ADGRL4: variants seen among roughly 807,000 people sequenced by gnomAD.
ADGRL4 encodes the protein EGF, latrophilin and seven transmembrane domain containing 1.
ADGRL4 carries 90 observed loss-of-function variants against 74.8 expected under a neutral mutation model. The observed-to-expected ratio is 1.20, with a 90% CI of 1.02 to 1.43. The LOEUF (loss-of-function observed/expected upper bound fraction) is 1.43, where lower values mean the gene tolerates loss of function less well. Ranked by LOEUF, ADGRL4 falls within the 40% of genes most tolerant of loss-of-function variation. The probability of loss-of-function intolerance (pLI) is 0.00; values close to 1 mark genes in which losing one functional copy is unlikely to be tolerated. For synonymous variants in ADGRL4, 311 were observed against 279.2 expected, an observed-to-expected ratio of 1.11 and a Z score of -1.14; for missense variants, 881 against 814.3, an observed-to-expected ratio of 1.08 and a Z score of -1.00.
chr1:78,953,270 A>G (rs1165455444), intron 2 of ADGRL4, among the ~76,000 whole-genome samples: 1 of 152,178 alleles, frequency 6.6e-6, no homozygotes, highest in Non-Finnish European at 1.5e-5. Context: ...TAATGCTCTT[A>G]CAGTATCTCT....
intron 2 of ADGRL4, among the ~76,000 whole-genome samples, chr1:78,952,939 G>A (rs1649759372): frequency 6.6e-6 from 1 of 151,984 alleles, no homozygotes; most frequent in East Asian, 1.9e-4. Context: ...TGTATAGAAT[G>A]GTCTCTGTTT....
Position 78,938,112 on chromosome 1 carries a change from G to A in ADGRL4, c.564C>T (p.Asn188=), listed in dbSNP as rs1019577347. Residue 188 remains asparagine (N), a synonymous_variant, in exon 5 of 15, where the codon AAC becomes AAT. Transcript: ENST00000370742. ...NTISAKDTLS[N]STLTEFVKTV... ...TGAACATACTTACAGTAAGAGTTGA[G>A]TTAGAAAGGGTGTCCTTGGCTGAGA... The A allele has an allele frequency of 1.9e-6, 3 of 1,612,604 alleles. No individual in the cohort carries two copies. The highest frequency in any genetic ancestry group is 2.7e-5 in the African/African-American group (2 of 74,956).
intron 2 of ADGRL4, among the ~76,000 whole-genome samples, chr1:78,969,420 T>G (rs1650124878): frequency 6.6e-6 from 1 of 152,098 alleles, no homozygotes; most frequent in Non-Finnish European, 1.5e-5. Context: ...TGACTGGTGG[T>G]CAATAAAGAA....
At chr1:78,892,185 G>T (rs372102927) in intron 13 of ADGRL4, among the ~76,000 whole-genome samples, 3 of 152,102 alleles carry the variant, frequency 2.0e-5, no homozygotes, top group Non-Finnish European at 1.5e-5. Context: ...AGAAACGAAC[G>T]TGTAGGATAT....
At chr1:78,896,468 G>T (rs1648402234) in intron 12 of ADGRL4, among the ~76,000 whole-genome samples, 1 of 151,772 alleles carries the variant, frequency 6.6e-6, no homozygotes, top group Non-Finnish European at 1.5e-5. Context: ...ATTTTTTTCT[G>T]CAATCTTCCC....
intron 2 of ADGRL4, among the ~76,000 whole-genome samples, chr1:78,989,309 T>A (rs1650557501): frequency 6.6e-6 from 1 of 151,828 alleles, no homozygotes; most frequent in African/African-American, 2.4e-5. Context: ...GATATACATA[T>A]GATTTAGGAA....
chr1:78,970,303 C>A (rs959108987), intron 2 of ADGRL4, among the ~76,000 whole-genome samples: 2 of 152,184 alleles, frequency 1.3e-5, no homozygotes, highest in Non-Finnish European at 2.9e-5. Context: ...AGGCAGAGTG[C>A]AGGTAAGCAT....
intron 2 of ADGRL4, among the ~76,000 whole-genome samples, chr1:78,958,183 T>A (rs542958058): frequency 6.6e-6 from 1 of 152,280 alleles, no homozygotes; most frequent in East Asian, 1.9e-4. Flanking sequence ...AGAGCTCTGA[T>A]GGAGATGTCC....
chr1:78,970,162 T>C (rs1421819651), intron 2 of ADGRL4, among the ~76,000 whole-genome samples: 2 of 152,158 alleles, frequency 1.3e-5, no homozygotes, highest in African/African-American at 4.8e-5. Flanking sequence ...CTGGCTTATG[T>C]TAAGGAGTCC....
At chr1:78,894,127 T>C (rs1180173824) in intron 12 of ADGRL4, among the ~76,000 whole-genome samples, 1 of 151,912 alleles carries the variant, frequency 6.6e-6, no homozygotes, top group East Asian at 1.9e-4. Context: ...AAGTGCAACA[T>C]TATAATTTTC....
chr1:78,916,053 A>G (rs1005447468), intron 12 of ADGRL4, among the ~76,000 whole-genome samples: 2 of 151,956 alleles, frequency 1.3e-5, no homozygotes, highest in East Asian at 3.9e-4. Flanking sequence ...GCTCCAGACT[A>G]GAACAATGTG....
chr1:78,977,173 G>A lies in ADGRL4; in HGVS notation c.172+27897C>T, dbSNP rs573797507. Among the ~76,000 whole-genome samples the A allele has an allele frequency of 5.3e-5, 8 of 151,684 alleles. No individual in the cohort carries two copies. In the East Asian group the frequency reaches 1.2e-3, roughly 22 times the overall value. On this transcript the variant is annotated intron_variant, in intron 2 of 14. Coordinates refer to ENST00000370742, the MANE Select transcript of ADGRL4 (RefSeq NM_022159.4). ...TATATTGACAAAATGAAAAAGAAAA[G>A]ATATTATCTCTATCAATGCAGAAAA...
At position 78,890,896 on chromosome 1, in the gene ADGRL4, A is replaced by G. The variant is rs892890432; in HGVS notation, c.*258T>C. 11 of 446,098 alleles carry G rather than the reference A, an allele frequency of 2.5e-5. No individual in the cohort carries two copies. Among genetic ancestry groups the G allele is most frequent in the Non-Finnish European group, 4.5e-5 (11 of 244,680 alleles). 27.6% of individuals were successfully genotyped at this position (446,098 alleles called of 1,614,324 possible). A position where few individuals can be genotyped will look rare whatever the true frequency, so the allele number is the denominator to read the frequency against. On this transcript the variant is annotated 3_prime_UTR_variant, in exon 15 of 15. Coordinates refer to ENST00000370742, the MANE Select transcript of ADGRL4 (RefSeq NM_022159.4). ...GGTGCAGTGATATCACTCCTGAGAA[A>G]CCAATTACTTTCCAAATATCTGCAA...
chr1:78,997,811 G>C (rs116756256), intron 2 of ADGRL4, among the ~76,000 whole-genome samples: 1 of 152,046 alleles, frequency 6.6e-6, no homozygotes, highest in Non-Finnish European at 1.5e-5. Context: ...TTGCCAGCTA[G>C]CCATTACCAT....
intron 2 of ADGRL4, among the ~76,000 whole-genome samples, chr1:78,995,426 C>T (rs888562971): frequency 9.2e-5 from 14 of 152,144 alleles, no homozygotes; most frequent in Non-Finnish European, 1.9e-4. Context: ...CAAGTCACAT[C>T]CTGGCTCATC....
intron 2 of ADGRL4, among the ~76,000 whole-genome samples, chr1:78,964,793 T>G (rs528692877): frequency 1.3e-5 from 2 of 152,172 alleles, no homozygotes; most frequent in East Asian, 3.8e-4. Context: ...AATAAAATAC[T>G]GTTTTCTGCT....
Position 78,990,713 on chromosome 1 carries a change from C to T in ADGRL4, c.172+14357G>A, listed in dbSNP as rs750814887. On this transcript the variant is annotated intron_variant, in intron 2 of 14. Coordinates refer to ENST00000370742, the MANE Select transcript of ADGRL4 (RefSeq NM_022159.4). ...GATATTCCATTGGAAACTGCTGCAGCGAACATAACATTAGTTGAAGAAGCA... is the reference window on the plus strand; with the variant it reads ...GATATTCCATTGGAAACTGCTGCAGTGAACATAACATTAGTTGAAGAAGCA... Among the ~76,000 whole-genome samples, 11 of 151,834 alleles carry T rather than the reference C, an allele frequency of 7.2e-5. No homozygotes were observed. In the East Asian group the frequency reaches 7.7e-4, roughly 11 times the overall value.
intron 2 of ADGRL4, among the ~76,000 whole-genome samples, chr1:78,961,949 C>T (rs1649961534): frequency 6.6e-6 from 1 of 151,012 alleles, no homozygotes; most frequent in Admixed American, 6.6e-5. Context: ...GGCAAGATCT[C>T]AGCTCACTGC....
chr1:78,961,302 C>T (rs1050993557), intron 2 of ADGRL4, among the ~76,000 whole-genome samples: 24 of 152,144 alleles, frequency 1.6e-4, no homozygotes, highest in African/African-American at 5.3e-4. Context: ...GCCACCTCAC[C>T]CAGCTAATTT....
Sources: gnomAD v4.1 joint callset for allele counts (sites outside exome capture counted in the v4.1 genomes callset) on GRCh38, gnomAD v4.1.1 for gene constraint, MANE v1.5 for transcripts, NCBI Gene and HGNC (gene_info 2026-07-23, HGNC 2026-07-21) for gene names.